DCAF8L2: variants seen among roughly 807,000 people sequenced by gnomAD.
DCAF8L2 encodes the protein DDB1 and CUL4 associated factor 8 like 2.
For synonymous variants in DCAF8L2, 200 were observed against 190.9 expected, an observed-to-expected ratio of 1.05 and a Z score of -0.39; for missense variants, 430 against 490.7, an observed-to-expected ratio of 0.88 and a Z score of 1.17.
the DCAF8L2 span, among the ~76,000 whole-genome samples, chrX:27,469,284 C>T: frequency 8.9e-6 from 1 of 111,769 alleles, no homozygotes; most frequent in African/African-American, 3.3e-5. Flanking sequence ...TAGATCTTTT[C>T]TTCTCTATTT....
At chrX:27,722,737 C>G (rs773516346) in intron 4 of DCAF8L2, among the ~76,000 whole-genome samples, 1 of 110,561 alleles carries the variant, frequency 9.0e-6, no homozygotes, top group Non-Finnish European at 1.9e-5. Flanking sequence ...AGGAGGATAA[C>G]AAAATGCTCA....
intron 4 of DCAF8L2, among the ~76,000 whole-genome samples, chrX:27,742,596 C>CAAACA (rs1921920067): frequency 3.2e-5 from 3 of 93,289 alleles, no homozygotes; most frequent in African/African-American, 1.2e-4. Flanking sequence ...CAAAAACAAA[C>CAAACA]AAAAAAAAAA....
the DCAF8L2 span, among the ~76,000 whole-genome samples, chrX:27,564,921 C>T: frequency 9.1e-6 from 1 of 109,426 alleles, no homozygotes. Flanking sequence ...TCAAGCAATC[C>T]TCCCACCTCA....
At chrX:27,715,580 GTTA>G (rs1931673424) in intron 3 of DCAF8L2, among the ~76,000 whole-genome samples, 1 of 111,254 alleles carries the variant, frequency 9.0e-6, no homozygotes, top group African/African-American at 3.3e-5. Context: ...ACTTCATAGG[GTTA>G]TTATAAGAAG....
intron 4 of DCAF8L2, among the ~76,000 whole-genome samples, chrX:27,734,819 G>T (rs927621321): frequency 9.0e-6 from 1 of 111,357 alleles, no homozygotes; most frequent in East Asian, 2.8e-4. Context: ...TGAAATTCAC[G>T]AGTGTCCAGT....
At chrX:27,720,163 T>G (rs1931843022) in intron 4 of DCAF8L2, among the ~76,000 whole-genome samples, 1 of 111,174 alleles carries the variant, frequency 9.0e-6, no homozygotes, top group African/African-American at 3.3e-5. Context: ...TTGGAATACC[T>G]TAATACCTAT....
chrX:27,504,527 A>G, the DCAF8L2 span, among the ~76,000 whole-genome samples: 761 of 111,552 alleles, frequency 6.8e-3, 3 homozygotes, highest in Non-Finnish European at 0.012. Context: ...CCATGGGCCA[A>G]TCAGTCCATG....
chrX:27,587,680 A>G (rs887225510), upstream of DCAF8L2, among the ~76,000 whole-genome samples: 2 of 111,469 alleles, frequency 1.8e-5, no homozygotes, highest in East Asian at 2.8e-4. Flanking sequence ...ACAAGAGGCT[A>G]GTTAGTGGGT....
At chrX:27,471,312 A>C in the DCAF8L2 span, among the ~76,000 whole-genome samples, 1 of 111,781 alleles carries the variant, frequency 8.9e-6, no homozygotes, top group East Asian at 2.8e-4. Flanking sequence ...CTCCAGAAAA[A>C]TAATGAAGAA....
At chrX:27,684,672 A>T (rs992866279) in intron 3 of DCAF8L2, among the ~76,000 whole-genome samples, 2 of 111,853 alleles carry the variant, frequency 1.8e-5, no homozygotes, top group African/African-American at 6.5e-5. Context: ...AGTGGCTAAA[A>T]GTCAATTTCA....
the DCAF8L2 span, chrX:27,519,591 G>T: frequency 1.5e-6 from 1 of 656,973 alleles, no homozygotes; most frequent in South Asian, 2.2e-5. Context: ...TCATTCCTCC[G>T]ACAGAAAACG....
At chrX:27,583,560 G>A in the DCAF8L2 span, among the ~76,000 whole-genome samples, 8 of 111,149 alleles carry the variant, frequency 7.2e-5, no homozygotes, top group South Asian at 3.9e-4. Flanking sequence ...CCTAAGCCCC[G>A]GGCCATGGAC....
At chrX:27,661,204 G>A (rs185174274) in intron 2 of DCAF8L2, among the ~76,000 whole-genome samples, 1 of 111,989 alleles carries the variant, frequency 8.9e-6, no homozygotes, top group African/African-American at 3.2e-5. Flanking sequence ...AGGATTGCAG[G>A]CATCTGTGGT....
At chrX:27,509,519 A>G in the DCAF8L2 span, among the ~76,000 whole-genome samples, 2 of 112,181 alleles carry the variant, frequency 1.8e-5, no homozygotes, top group African/African-American at 6.5e-5. Flanking sequence ...ATTGTTGTAA[A>G]TGAAAATTTA....
chrX:27,546,170 G>A, the DCAF8L2 span, among the ~76,000 whole-genome samples: 1 of 107,578 alleles, frequency 9.3e-6, no homozygotes, highest in Non-Finnish European at 2.0e-5. Context: ...AAAACGAAGG[G>A]GATACAAGCC....
chrX:27,561,429 C>CT, the DCAF8L2 span, among the ~76,000 whole-genome samples: 1 of 111,625 alleles, frequency 9.0e-6, no homozygotes, highest in Non-Finnish European at 1.9e-5. Context: ...CTTTTAACAG[C>CT]TTTTTTGAGA....
chrX:27,642,972 C>T (rs771234077), intron 2 of DCAF8L2, among the ~76,000 whole-genome samples: 21 of 111,582 alleles, frequency 1.9e-4, no homozygotes, highest in Non-Finnish European at 2.8e-4. Context: ...CACCATTTTA[C>T]CTTTTAATAT....
chrX:27,660,607 C>G (rs974105055), intron 2 of DCAF8L2, among the ~76,000 whole-genome samples: 1 of 111,909 alleles, frequency 8.9e-6, no homozygotes, highest in Admixed American at 9.5e-5. Flanking sequence ...GGGCATGTCG[C>G]ATGTGCAGTC....
intron 2 of DCAF8L2, among the ~76,000 whole-genome samples, chrX:27,649,475 T>C (rs1929068189): frequency 8.9e-6 from 1 of 112,085 alleles, no homozygotes; most frequent in African/African-American, 3.2e-5. Flanking sequence ...GAATCTGTTG[T>C]TTTTTGACGT....
Sources: gnomAD v4.1 joint callset for allele counts (sites outside exome capture counted in the v4.1 genomes callset) on GRCh38, gnomAD v4.1.1 for gene constraint, MANE v1.5 for transcripts, NCBI Gene and HGNC (gene_info 2026-07-23, HGNC 2026-07-21) for gene names.